THEM4: variants seen among roughly 807,000 people sequenced by gnomAD.
THEM4 encodes the protein thioesterase superfamily member 4, also known as acyl-coenzyme A thioesterase THEM4.
THEM4 carries 22 observed loss-of-function variants against 25.0 expected under a neutral mutation model. The ratio of observed to expected loss-of-function variants is 0.88; its 90% CI spans 0.63 to 1.26. THEM4 has a LOEUF of 1.26. THEM4 is among the 50% of genes most tolerant of loss of function. THEM4 has a pLI of 0.00. For missense variants in THEM4, 286 were observed against 300.3 expected (o/e 0.95, Z 0.35); for synonymous variants, 113 against 105.6 (o/e 1.07, Z -0.43).
chr1:151,900,455 G>A (rs1377159834), intron 1 of THEM4, among the ~76,000 whole-genome samples: 1 of 152,012 alleles, frequency 6.6e-6, no homozygotes, highest in East Asian at 1.9e-4. Flanking sequence ...AGCACATAAG[G>A]ACTCAAATAA....
intron 1 of THEM4, among the ~76,000 whole-genome samples, chr1:151,895,702 G>C (rs1293610586): frequency 6.6e-6 from 1 of 151,690 alleles, no homozygotes; most frequent in Non-Finnish European, 1.5e-5. Flanking sequence ...AAAAACACTG[G>C]AATATAGTTT....
chr1:151,883,639 A>ATTTT (rs201272659), intron 4 of THEM4, among the ~76,000 whole-genome samples: 1 of 141,764 alleles, frequency 7.1e-6, no homozygotes, highest in Non-Finnish European at 1.6e-5. Context: ...TTAATTGTGC[A>ATTTT]TTTTTTTTTT....
chr1:151,887,867 T>C (rs1033201171), intron 4 of THEM4, among the ~76,000 whole-genome samples: 10 of 152,146 alleles, frequency 6.6e-5, no homozygotes, highest in Non-Finnish European at 1.3e-4. Context: ...TCTTCACTTG[T>C]TTTGGTTATT....
At chr1:151,878,900 A>ACACACACACACACC (rs1421714148) in intron 4 of THEM4, among the ~76,000 whole-genome samples, 1 of 150,386 alleles carries the variant, frequency 6.6e-6, no homozygotes, top group Non-Finnish European at 1.5e-5. Flanking sequence ...ATACACACAC[A>ACACACACACACACC]CACACACACA....
rs1653567378 is a variant in THEM4, at chr1:151,872,160, G to A, written c.*2728C>T. On this transcript the variant is annotated 3_prime_UTR_variant, in exon 6 of 6. Transcript: ENST00000368814. Reference sequence around the variant, plus strand: ...CCCTGCAGTGCCCCCATGTCTGCTGGGCCCTTGCAACTTGAGAACTGGAGT... The same window carrying A: ...CCCTGCAGTGCCCCCATGTCTGCTGAGCCCTTGCAACTTGAGAACTGGAGT... Among the ~76,000 whole-genome samples, 1 of 151,638 alleles carries A rather than the reference G, an allele frequency of 6.6e-6. No individual in the cohort carries two copies. Among genetic ancestry groups the A allele is most frequent in the African/African-American group, 2.4e-5 (1 of 40,962 alleles).
At chr1:151,888,513 G>A (rs1654018355) in intron 3 of THEM4, 130 bp from the exon 4 acceptor site, 2 of 625,400 alleles carry the variant, frequency 3.2e-6, no homozygotes, top group African/African-American at 1.9e-5. Context: ...CCCATGTTCA[G>A]TGTACTGAAT....
In THEM4 at chr1:151,874,929, C is replaced by G; in HGVS notation, c.683-1G>C. ...GCAGGATTCAGCTTTATAAATAAGC[C>G]TAAACAAACAAAATAACAGCAGATG... is the stretch of plus-strand genomic sequence containing the variant. On this transcript the variant is annotated splice_acceptor_variant, in intron 5 of 5. Coordinates refer to ENST00000368814, the MANE Select transcript of THEM4 (RefSeq NM_053055.5). LOFTEE classifies it high-confidence loss of function. The G allele has an allele frequency of 6.2e-7, 1 of 1,612,916 alleles. No homozygotes were observed. The highest frequency in any genetic ancestry group is 8.5e-7 in the Non-Finnish European group (1 of 1,178,964).
rs1654192933 is a variant in THEM4 at position 151,895,101 on chromosome 1, T to A, written c.193A>T (p.Met65Leu). The A allele has an allele frequency of 6.2e-7, 1 of 1,614,018 alleles. No homozygotes were observed. Among genetic ancestry groups the A allele is most frequent in the Non-Finnish European group, 8.5e-7 (1 of 1,180,000 alleles). ...KDLRLLFDQF[M>L]KKCEDGSWKR... Reference sequence around the variant, plus strand: ...CAGGAGCCGTCTTCACATTTCTTCATAAACTGGTCAAAGAGCAGTCTTAGG... The same window carrying A: ...CAGGAGCCGTCTTCACATTTCTTCAAAAACTGGTCAAAGAGCAGTCTTAGG... Residue 65 changes from methionine (M) to leucine (L), a missense_variant, in exon 2 of 6, where the codon ATG (methionine) becomes TTG (leucine). Transcript: ENST00000368814.
intron 1 of THEM4, among the ~76,000 whole-genome samples, chr1:151,904,642 C>T (rs1654417981): frequency 6.6e-6 from 1 of 152,140 alleles, no homozygotes; most frequent in Non-Finnish European, 1.5e-5. Flanking sequence ...AAGACTGTTG[C>T]AAAGGCCCAG....
chr1:151,873,378 G>C lies in THEM4; in HGVS notation c.*1510C>G, dbSNP rs1653598706. On this transcript the variant is annotated 3_prime_UTR_variant, in exon 6 of 6. Transcript: ENST00000368814. ...CGGGTCCTCTGTATGCTGAGCACCG[G>C]TCCCCTGGGCCCAGGGTTCTTTCTT... 6.6e-6 allele frequency among the ~76,000 whole-genome samples: 1 copy of C among 152,106 alleles called. No homozygotes were observed. The highest frequency in any genetic ancestry group is 2.4e-5 in the African/African-American group (1 of 41,434).
intron 1 of THEM4, among the ~76,000 whole-genome samples, chr1:151,900,077 G>C (rs1034802007): frequency 6.6e-5 from 10 of 152,096 alleles, no homozygotes; most frequent in African/African-American, 2.2e-4. Flanking sequence ...ATGAACGAAA[G>C]ATACAGTCCT....
intron 3 of THEM4, 140 bp from the exon 4 acceptor site, chr1:151,888,523 T>C: frequency 3.5e-6 from 2 of 573,604 alleles, no homozygotes; most frequent in Admixed American, 3.5e-5. Context: ...GTGTACTGAA[T>C]GCCAAATACT....
rs1346974824 is a variant in THEM4, at chr1:151,872,141, A to G, written c.*2747T>C. On this transcript the variant is annotated 3_prime_UTR_variant, in exon 6 of 6. Coordinates refer to ENST00000368814, the MANE Select transcript of THEM4 (RefSeq NM_053055.5). ...AAGGAACTGCCAGCTTCACCCCTGC[A>G]GTGCCCCCATGTCTGCTGGGCCCTT... Among the ~76,000 whole-genome samples the G allele has an allele frequency of 1.3e-5, 2 of 152,158 alleles. No homozygotes were observed. Among genetic ancestry groups the G allele is most frequent in the Non-Finnish European group, 2.9e-5 (2 of 68,030 alleles).
chr1:151,882,709 T>G (rs1653872247), intron 4 of THEM4, among the ~76,000 whole-genome samples: 1 of 152,196 alleles, frequency 6.6e-6, no homozygotes, highest in Non-Finnish European at 1.5e-5. Flanking sequence ...AGCTGGTGAC[T>G]AATTTAGTGT....
At position 151,878,118 on chromosome 1, in the gene THEM4, C is replaced by T. The variant is rs950926706; in HGVS notation, c.558-993G>A. 3.9e-5 allele frequency among the ~76,000 whole-genome samples: 6 copies of T among 152,188 alleles called. No homozygotes were observed. In the East Asian group the frequency reaches 1.2e-3, roughly 29 times the overall value. ...ACATTAGGTGTTCTCGCCTGCCCAG[C>T]AACTCCCTTTTCTACTAACATGACT... On this transcript the variant is annotated intron_variant, in intron 4 of 5. Transcript: ENST00000368814.
At chr1:151,874,994 A>G (rs1258754632) in intron 5 of THEM4, 66 bp from the exon 6 acceptor site, 2 of 1,213,552 alleles carry the variant, frequency 1.6e-6, no homozygotes, top group Admixed American at 3.4e-5. Flanking sequence ...GACTACTCTA[A>G]ATAGAAAGAC....
chr1:151,902,914 G>C (rs1654381308), intron 1 of THEM4, among the ~76,000 whole-genome samples: 1 of 152,158 alleles, frequency 6.6e-6, no homozygotes, highest in African/African-American at 2.4e-5. Context: ...CTTGAACCAG[G>C]GAGGTGGAGG....
At chr1:151,887,859 T>C (rs1654006556) in intron 4 of THEM4, among the ~76,000 whole-genome samples, 1 of 152,178 alleles carries the variant, frequency 6.6e-6, no homozygotes, top group Non-Finnish European at 1.5e-5. Context: ...GGATCCTTTC[T>C]TCACTTGTTT....
chr1:151,905,576 G>A lies in THEM4; in HGVS notation c.99+3784C>T, dbSNP rs2101732910. On this transcript the variant is annotated intron_variant, in intron 1 of 5. Coordinates refer to ENST00000368814, the MANE Select transcript of THEM4 (RefSeq NM_053055.5). ...CATCCCAAAGGCAGTAACAGGCAAA[G>A]CCCTGACCCGGGTGTAGTCTTGATA... 1.3e-5 allele frequency among the ~76,000 whole-genome samples: 2 copies of A among 152,282 alleles called. 1 individual carries two copies. The highest frequency in any genetic ancestry group is 2.9e-5 in the Non-Finnish European group (2 of 68,010).
Sources: gnomAD v4.1 joint callset for allele counts (sites outside exome capture counted in the v4.1 genomes callset) on GRCh38, gnomAD v4.1.1 for gene constraint, MANE v1.5 for transcripts, NCBI Gene and HGNC (gene_info 2026-07-23, HGNC 2026-07-21) for gene names.